Variants in AIG1 observed in about 807,000 individuals in gnomAD.
AIG1 encodes the protein androgen induced 1.
In AIG1, 23 loss-of-function variants were observed where a neutral mutation model predicts 31.4. The ratio of observed to expected loss-of-function variants is 0.73; its 90% confidence interval spans 0.53 to 1.04. AIG1 has a LOEUF of 1.04. Ranked by LOEUF, AIG1 falls within the 50% of genes least tolerant of loss-of-function variation. The pLI, the probability that AIG1 is intolerant of heterozygous loss-of-function variation, is 0.00. For synonymous variants in AIG1, 100 were observed against 110.5 expected, an observed-to-expected ratio of 0.90 and a Z score of 0.60; for missense variants, 274 against 295.0, an observed-to-expected ratio of 0.93 and a Z score of 0.52.
At chr6:143,238,067 A>G (rs1452215091) in intron 3 of AIG1, among the ~76,000 whole-genome samples, 1 of 152,070 alleles carries the variant, frequency 6.6e-6, no homozygotes, top group Non-Finnish European at 1.5e-5. Context: ...CAGCCTCCCG[A>G]GTAACTGGGA....
At chr6:143,311,940 A>G (rs145851860) in intron 4 of AIG1, among the ~76,000 whole-genome samples, 38 of 152,176 alleles carry the variant, frequency 2.5e-4, no homozygotes, top group African/African-American at 8.4e-4. Flanking sequence ...AAAAGAAATC[A>G]AAAAGTAACC....
intron 3 of AIG1, among the ~76,000 whole-genome samples, chr6:143,167,988 A>T (rs557648551): frequency 4.4e-4 from 67 of 152,344 alleles, no homozygotes; most frequent in African/African-American, 1.6e-3. Context: ...CTGTGCAACT[A>T]TAGATACAAA....
chr6:143,083,268 C>A (rs1004864290), intron 1 of AIG1, among the ~76,000 whole-genome samples: 2 of 152,172 alleles, frequency 1.3e-5, no homozygotes, highest in Non-Finnish European at 2.9e-5. Flanking sequence ...AGTAAATCAT[C>A]CATGTACCAA....
At chr6:143,059,629 G>T (rs921394798), upstream of AIG1, among the ~76,000 whole-genome samples, 55 of 152,054 alleles carry the variant, frequency 3.6e-4, 1 homozygote, top group African/African-American at 1.3e-3. Flanking sequence ...AATCTAGTGG[G>T]TCTCTTCATT....
chr6:143,108,494 A>G (rs1044838150), intron 1 of AIG1, among the ~76,000 whole-genome samples: 8 of 152,174 alleles, frequency 5.3e-5, no homozygotes, highest in African/African-American at 1.2e-4. Flanking sequence ...TTCTAGGAAT[A>G]AAAAACAGAA....
chr6:143,086,655 C>G (rs778468449), intron 1 of AIG1, among the ~76,000 whole-genome samples: 2 of 152,034 alleles, frequency 1.3e-5, no homozygotes, highest in Non-Finnish European at 2.9e-5. Context: ...TCCTTAGATC[C>G]CTTTGGAGAT....
intron 3 of AIG1, among the ~76,000 whole-genome samples, chr6:143,278,919 C>G (rs1479742930): frequency 1.3e-5 from 2 of 151,334 alleles, no homozygotes; most frequent in Non-Finnish European, 2.9e-5. Flanking sequence ...AAATGATATT[C>G]CATTTATGAG....
chr6:143,112,742 A>T (rs1049438123), intron 1 of AIG1, among the ~76,000 whole-genome samples: 1 of 152,202 alleles, frequency 6.6e-6, no homozygotes, highest in African/African-American at 2.4e-5. Context: ...TATCCTCTCC[A>T]GGAAAACTCC....
intron 1 of AIG1, among the ~76,000 whole-genome samples, chr6:143,063,972 C>G (rs928565333): frequency 2.0e-5 from 3 of 152,264 alleles, no homozygotes; most frequent in South Asian, 2.1e-4. Flanking sequence ...TAATCTTATA[C>G]TGTTATTCTC....
chr6:143,300,210 G>A lies in AIG1; in HGVS notation c.515+15985G>A, dbSNP rs17072439. Among the ~76,000 whole-genome samples, 627 of 152,280 alleles carry A rather than the reference G, an allele frequency of 4.1e-3. 3 individuals are homozygous for A. The highest frequency in any genetic ancestry group is 0.014 in the African/African-American group (594 of 41,568). On this transcript the variant is annotated intron_variant, in intron 4 of 5. Coordinates refer to ENST00000357847, the MANE Select transcript of AIG1 (RefSeq NM_016108.4). The stretch of plus-strand genomic sequence containing the variant: ...AATGAGCATGTCACTCCAACACATT[G>A]GCAGTGGAAATTCTTCAGAGATGAA...
intron 1 of AIG1, among the ~76,000 whole-genome samples, chr6:143,128,299 CAG>C (rs1782877452): frequency 6.6e-6 from 1 of 152,030 alleles, no homozygotes; most frequent in Non-Finnish European, 1.5e-5. Flanking sequence ...GATTTCCTGA[CAG>C]GGAGAGTTGG....
chr6:143,323,393 G>T (rs1312402991), intron 4 of AIG1, among the ~76,000 whole-genome samples: 4 of 151,934 alleles, frequency 2.6e-5, no homozygotes, highest in African/African-American at 9.7e-5. Flanking sequence ...ATTTGGGCTA[G>T]CTCCACTGAA....
intron 1 of AIG1, among the ~76,000 whole-genome samples, chr6:143,071,949 T>C (rs9386019): frequency 0.16 from 23,680 of 150,460 alleles, 4,377 homozygotes; most frequent in African/African-American, 0.44. Flanking sequence ...GTGCCCAGAT[T>C]GTTTTTTTTT....
At chr6:143,072,317 G>A (rs959437046) in intron 1 of AIG1, among the ~76,000 whole-genome samples, 6 of 152,072 alleles carry the variant, frequency 3.9e-5, no homozygotes, top group African/African-American at 1.4e-4. Context: ...AAGGAGCTTT[G>A]CTTTAGATTC....
chr6:143,220,391 C>A (rs1346266362), intron 3 of AIG1, among the ~76,000 whole-genome samples: 1 of 152,168 alleles, frequency 6.6e-6, no homozygotes, highest in Admixed American at 6.5e-5. Context: ...TGTCCCTCCC[C>A]CAGCATCCAG....
intron 1 of AIG1, among the ~76,000 whole-genome samples, chr6:143,108,188 C>T (rs1010734573): frequency 5.3e-5 from 8 of 152,152 alleles, no homozygotes; most frequent in African/African-American, 1.9e-4. Context: ...TGCATAAGCA[C>T]ATTGTAACGG....
At chr6:143,189,438 A>G (rs1187659926) in intron 3 of AIG1, 1 of 981,946 alleles carries the variant, frequency 1.0e-6, no homozygotes, top group Non-Finnish European at 1.2e-6. Flanking sequence ...TTTGCAAAAT[A>G]GTTTTTTAAT....
At chr6:143,142,119 A>G (rs1583305511) in intron 2 of AIG1, among the ~76,000 whole-genome samples, 1 of 152,106 alleles carries the variant, frequency 6.6e-6, no homozygotes, top group Non-Finnish European at 1.5e-5. Context: ...CCTGTTGCCC[A>G]GGCTGGAATG....
chr6:143,178,875 C>T (rs941204038), intron 3 of AIG1, among the ~76,000 whole-genome samples: 5 of 152,264 alleles, frequency 3.3e-5, no homozygotes, highest in Middle Eastern at 3.4e-3. Context: ...TCCGTTATGG[C>T]CCCAGAAATC....
Sources: allele counts gnomAD v4.1 joint callset (sites outside exome capture counted in the v4.1 genomes callset), GRCh38; gene constraint gnomAD v4.1.1; transcripts MANE v1.5; gene names NCBI Gene and HGNC (gene_info 2026-07-23, HGNC 2026-07-21).